The following PAX5 variants were observed in gnomAD, a reference collection of about 807,000 sequenced individuals.
The protein encoded by PAX5 is paired box protein Pax-5.
In PAX5, 9 loss-of-function variants were observed where a neutral mutation model predicts 43.7. That is an observed-to-expected ratio of 0.21 (90% confidence interval 0.12 to 0.36). The LOEUF is 0.36. Ranked by LOEUF, PAX5 falls within the 10% of genes least tolerant of loss-of-function variation. The probability of loss-of-function intolerance (pLI) is 1.00; values close to 1 mark genes in which losing one functional copy is unlikely to be tolerated. For synonymous variants in PAX5, 228 were observed against 214.3 expected, an observed-to-expected ratio of 1.06 and a Z score of -0.56; for missense variants, 383 against 532.7, an observed-to-expected ratio of 0.72 and a Z score of 2.77.
chr9:36,932,461 T>C (rs1294918152), intron 6 of PAX5, among the ~76,000 whole-genome samples: 1 of 152,198 alleles, frequency 6.6e-6, no homozygotes, highest in Non-Finnish European at 1.5e-5. Flanking sequence ...CTCAAAAGCA[T>C]TATGCTAGGT....
In PAX5 at chr9:36,861,281, T is replaced by C. The variant is rs549908828; in HGVS notation, c.1013-14352A>G. On this transcript the variant is annotated intron_variant, in intron 8 of 9. Transcript: ENST00000358127. ...AGGCCCACTGCAGACAGTCGCAATT[T>C]CATCCATCCATTCATCTATCAGATA... is the stretch of plus-strand genomic sequence containing the variant. The C allele has an allele frequency of 2.0e-5, 3 of 151,494 alleles. No individual in the cohort carries two copies. The East Asian group carries it at 5.9e-4, about 30-fold the overall frequency. 9.4% of individuals were successfully genotyped at this position (151,494 alleles called of 1,614,324 possible).
intron 5 of PAX5, among the ~76,000 whole-genome samples, chr9:36,999,366 C>T (rs1026783207): frequency 2.0e-5 from 3 of 152,240 alleles, no homozygotes; most frequent in Non-Finnish European, 4.4e-5. Flanking sequence ...CTGCCTTACT[C>T]TTTCCCCCAG....
At chr9:36,963,441 C>T (rs1386240565) in intron 6 of PAX5, among the ~76,000 whole-genome samples, 2 of 152,178 alleles carry the variant, frequency 1.3e-5, no homozygotes, top group Non-Finnish European at 2.9e-5. Flanking sequence ...GGTAACATCC[C>T]CCTCTCTGGC....
intron 6 of PAX5, among the ~76,000 whole-genome samples, chr9:36,962,768 T>G (rs1834083862): frequency 6.6e-6 from 1 of 152,128 alleles, no homozygotes; most frequent in South Asian, 2.1e-4. Flanking sequence ...TCAGCGAAAG[T>G]GACAGCAAGG....
chr9:36,991,679 G>A lies in PAX5; in HGVS notation c.604+10969C>T, dbSNP rs118062039. On this transcript the variant is annotated intron_variant, in intron 5 of 9. Coordinates refer to ENST00000358127, the MANE Select transcript of PAX5 (RefSeq NM_016734.3). The stretch of plus-strand genomic sequence containing the variant: ...AAGCATACCAAGCTCATGAATGGCC[G>A]GTACACACTGCCCTGCTACCCTACC... 2.3e-3 allele frequency among the ~76,000 whole-genome samples: 354 copies of A among 151,250 alleles called. 4 individuals are homozygous for A. In the East Asian group the frequency reaches 0.036, roughly 15 times the overall value.
At chr9:36,967,623 G>A (rs778056325) in intron 5 of PAX5, among the ~76,000 whole-genome samples, 1 of 152,214 alleles carries the variant, frequency 6.6e-6, no homozygotes, top group Non-Finnish European at 1.5e-5. Flanking sequence ...AACCTTTTGT[G>A]TAAAAAAGGA....
At chr9:36,990,246 A>G (rs1836809815) in intron 5 of PAX5, among the ~76,000 whole-genome samples, 1 of 152,240 alleles carries the variant, frequency 6.6e-6, no homozygotes, top group Non-Finnish European at 1.5e-5. Flanking sequence ...CACAAGCACA[A>G]TTGGGAAACT....
At chr9:37,020,573 G>C in intron 2 of PAX5, 63 bp downstream of exon 2, 1 of 1,505,956 alleles carries the variant, frequency 6.6e-7, no homozygotes, top group Non-Finnish European at 9.2e-7. Flanking sequence ...TTGGACAGCT[G>C]CTGGGTCATG....
At chr9:36,848,329 A>C in intron 8 of PAX5, among the ~76,000 whole-genome samples, 1 of 139,100 alleles carries the variant, frequency 7.2e-6, no homozygotes, top group East Asian at 2.0e-4. Flanking sequence ...CCCGCACCTC[A>C]CAACCACAGG....
At chr9:36,890,382 A>G (rs1010346156) in intron 7 of PAX5, among the ~76,000 whole-genome samples, 1 of 152,146 alleles carries the variant, frequency 6.6e-6, no homozygotes, top group African/African-American at 2.4e-5. Context: ...ACAAGGCCCA[A>G]ACTATAAGGG....
Position 36,834,973 on chromosome 9 carries a change from G to GC in PAX5, c.*5586dup, listed in dbSNP as rs780614501. ...CTGTTTCACCTGCTTCCCTCCCTGG[G>GC]CCCCGATCAGCCACCGGAAGCTGAT... On this transcript the variant is annotated 3_prime_UTR_variant, in exon 10 of 10. Transcript: ENST00000358127. 8.6e-6 allele frequency: 2 copies of GC among 233,204 alleles called. No homozygotes were observed. Among genetic ancestry groups the GC allele is most frequent in the Admixed American group, 5.6e-5 (1 of 17,778 alleles). The allele number at this position is 233,204 out of a possible 1,614,324, so 14.4% of individuals were successfully genotyped here.
rs1270872504 is a variant in PAX5, at chr9:36,834,164, T to C, written c.*6396A>G. On this transcript the variant is annotated 3_prime_UTR_variant, in exon 10 of 10. Coordinates refer to ENST00000358127, the MANE Select transcript of PAX5 (RefSeq NM_016734.3). ...CCAAAACTCCATCCTCAGCCCAACCTTGGAGGCCCAGCAGCTGGGGCTGAG... is the reference window on the plus strand; with the variant it reads ...CCAAAACTCCATCCTCAGCCCAACCCTGGAGGCCCAGCAGCTGGGGCTGAG... 8.6e-6 allele frequency: 2 copies of C among 233,290 alleles called. No individual in the cohort carries two copies. The highest frequency in any genetic ancestry group is 6.0e-5 in the East Asian group (1 of 16,598). The allele number at this position is 233,290 out of a possible 1,614,324, so 14.5% of individuals were successfully genotyped here. A position where few individuals can be genotyped will look rare whatever the true frequency, so the allele number is the denominator to read the frequency against.
At chr9:36,861,850 A>G (rs1563903376) in intron 8 of PAX5, among the ~76,000 whole-genome samples, 2 of 152,096 alleles carry the variant, frequency 1.3e-5, no homozygotes, top group Non-Finnish European at 2.9e-5. Context: ...TCACAGGCTC[A>G]CTGCAGCCAC....
At chr9:37,024,958 AGCCAAGGGCTT>A (rs1267810599) in intron 1 of PAX5, among the ~76,000 whole-genome samples, 1 of 152,188 alleles carries the variant, frequency 6.6e-6, no homozygotes, top group African/African-American at 2.4e-5. Context: ...TCCTTGGCTG[AGCCAAGGGCTT>A]GCTCACCTCT....
intron 9 of PAX5, among the ~76,000 whole-genome samples, chr9:36,842,301 G>A (rs1822133843): frequency 6.6e-6 from 1 of 152,200 alleles, no homozygotes; most frequent in South Asian, 2.1e-4. Context: ...GAGCCCAGAG[G>A]AAGGCGGGTG....
intron 3 of PAX5, among the ~76,000 whole-genome samples, chr9:37,007,228 C>T (rs547349342): frequency 1.3e-5 from 2 of 152,306 alleles, no homozygotes; most frequent in Admixed American, 6.5e-5. Flanking sequence ...AGAGACCTTG[C>T]TCACACTCTA....
chr9:36,958,539 T>C (rs1833689816), intron 6 of PAX5, among the ~76,000 whole-genome samples: 2 of 151,970 alleles, frequency 1.3e-5, no homozygotes. Context: ...GGGCCACACT[T>C]TTTGGGCAAT....
chr9:36,840,572 A>T lies in PAX5; in HGVS notation c.1164T>A (p.Tyr388Ter). The change falls in exon 10 of 10, where the codon TAT (tyrosine) becomes TAA (stop). Residue 388 changes from tyrosine (Y) to a stop codon, truncating the protein, a stop_gained. Transcript: ENST00000358127. LOFTEE classifies it high-confidence loss of function. ...GAAPPAAATA[Y>*]DRH ...CTGGCTCCAAGGGTCAGTGACGGTC[A>T]TAGGCAGTGGCGGCTGCAGGTGGGG... is the stretch of plus-strand genomic sequence containing the variant. 6.3e-7 allele frequency: 1 copy of T among 1,587,958 alleles called. No individual in the cohort carries two copies. Among genetic ancestry groups the T allele is most frequent in the South Asian group, 1.2e-5 (1 of 86,370 alleles).
chr9:36,914,470 G>C (rs536290532), intron 7 of PAX5, among the ~76,000 whole-genome samples: 1 of 152,132 alleles, frequency 6.6e-6, no homozygotes, highest in Non-Finnish European at 1.5e-5. Context: ...TTCTGTGCAC[G>C]GGGAAAGCCC....
Sources: gnomAD v4.1 joint callset for allele counts (sites outside exome capture counted in the v4.1 genomes callset) on GRCh38, gnomAD v4.1.1 for gene constraint, MANE v1.5 for transcripts, NCBI Gene and HGNC (gene_info 2026-07-23, HGNC 2026-07-21) for gene names.